Variants in TENM2 observed in about 807,000 individuals in gnomAD.
TENM2 encodes the protein teneurin-2.
In TENM2, 52 loss-of-function variants were observed where a neutral mutation model predicts 245.2. That is an observed-to-expected ratio of 0.21 (90% CI 0.17 to 0.27). TENM2 has a LOEUF of 0.27. Ranked by LOEUF, TENM2 falls within the 10% of genes least tolerant of loss-of-function variation. The probability of loss-of-function intolerance (pLI) is 1.00; values close to 1 mark genes in which losing one functional copy is unlikely to be tolerated. For synonymous variants in TENM2, 1,363 were observed against 1,438.9 expected (o/e 0.95, Z 1.19); for missense variants, 3,046 against 3,666.8 (o/e 0.83, Z 4.37).
chr5:167,989,972 C>G (rs1783544279), intron 4 of TENM2, among the ~76,000 whole-genome samples: 1 of 152,130 alleles, frequency 6.6e-6, no homozygotes, highest in African/African-American at 2.4e-5. Flanking sequence ...AGACTCCAGA[C>G]CCATCAGTGG....
chr5:168,199,100 G>A lies in TENM2; in HGVS notation c.3148G>A (p.Val1050Met), dbSNP rs140215976. The stretch of plus-strand genomic sequence containing the variant: ...TGCTGCCCCTGGGCAGAATCCCATC[G>A]TGCCTGAGACCCAGGTAGGAATGGC... The change falls in exon 16 of 29, where the codon GTG (valine) becomes ATG (methionine). Residue 1050 changes from valine (V) to methionine (M), a missense_variant. Around this residue, in one of 2 missense-constraint regions of TENM2, gnomAD observed 2,704 missense variants for 3,331.9 expected, o/e 0.81. Coordinates refer to ENST00000518659, the Ensembl canonical transcript of TENM2. The A allele has an allele frequency of 1.0e-3, 1,651 of 1,611,910 alleles. 10 individuals carry two copies. The African/African-American group carries it at 0.016, about 16-fold the overall frequency.
At chr5:168,060,578 C>G (rs1400903591) in intron 6 of TENM2, among the ~76,000 whole-genome samples, 3 of 152,188 alleles carry the variant, frequency 2.0e-5, no homozygotes, top group African/African-American at 7.2e-5. Flanking sequence ...TCATTCCCTA[C>G]TTTTATTATC....
the TENM2 span, among the ~76,000 whole-genome samples, chr5:167,019,114 T>C: frequency 6.6e-6 from 1 of 150,384 alleles, no homozygotes; most frequent in South Asian, 2.2e-4. Context: ...CTTGCCTAAA[T>C]TCCACAAATT....
chr5:168,146,654 T>C (rs2152415174), intron 12 of TENM2, among the ~76,000 whole-genome samples: 1 of 152,352 alleles, frequency 6.6e-6, no homozygotes, highest in Admixed American at 6.5e-5. Context: ...CCGGTCCCAT[T>C]GCTAAGTTCT....
At chr5:167,025,525 C>T in the TENM2 span, among the ~76,000 whole-genome samples, 3 of 152,080 alleles carry the variant, frequency 2.0e-5, no homozygotes, top group African/African-American at 7.2e-5. Flanking sequence ...TCATATTAGC[C>T]ACATTTCAGG....
the TENM2 span, among the ~76,000 whole-genome samples, chr5:167,074,691 G>A: frequency 6.6e-6 from 1 of 152,246 alleles, no homozygotes; most frequent in Non-Finnish European, 1.5e-5. Context: ...ACCACGGCTA[G>A]TTTTCCACAT....
intron 12 of TENM2, among the ~76,000 whole-genome samples, chr5:168,141,241 G>C (rs1755521094): frequency 6.6e-6 from 1 of 152,140 alleles, no homozygotes; most frequent in Non-Finnish European, 1.5e-5. Flanking sequence ...AGATTGCCTT[G>C]CTCTTCCTTC....
chr5:167,840,813 T>C (rs1242123252), intron 2 of TENM2, among the ~76,000 whole-genome samples: 6 of 152,014 alleles, frequency 3.9e-5, no homozygotes, highest in Non-Finnish European at 1.5e-5. Context: ...AAAAAAACAA[T>C]GTGTGGTCTA....
intron 2 of TENM2, among the ~76,000 whole-genome samples, chr5:167,801,106 AAAAATAT>A (rs1159940196): frequency 1.4e-3 from 91 of 64,788 alleles, no homozygotes; most frequent in African/African-American, 5.6e-3. Context: ...AAAAAAAAAA[AAAAATAT>A]ATATATATAT....
the TENM2 span, among the ~76,000 whole-genome samples, chr5:167,151,739 G>T: frequency 6.6e-6 from 1 of 152,120 alleles, no homozygotes; most frequent in African/African-American, 2.4e-5. Flanking sequence ...CGACGGTCTT[G>T]ATCTCTTGAC....
intron 1 of TENM2, among the ~76,000 whole-genome samples, chr5:167,366,117 A>G (rs1760037328): frequency 1.3e-5 from 2 of 151,704 alleles, no homozygotes; most frequent in Admixed American, 6.6e-5. Context: ...AAAAAATTTT[A>G]TTGGTGAAAC....
chr5:167,061,532 C>T, the TENM2 span, among the ~76,000 whole-genome samples: 1 of 152,110 alleles, frequency 6.6e-6, no homozygotes, highest in African/African-American at 2.4e-5. Context: ...TAAATATTTC[C>T]TGCGTGGGTT....
intron 2 of TENM2, among the ~76,000 whole-genome samples, chr5:167,797,479 A>G (rs1765401349): frequency 6.6e-6 from 1 of 152,208 alleles, no homozygotes; most frequent in African/African-American, 2.4e-5. Context: ...ACTAATTTGA[A>G]ACTGGAAGAT....
At chr5:168,253,652 C>G (rs1767368218) in intron 27 of TENM2, among the ~76,000 whole-genome samples, 1 of 151,996 alleles carries the variant, frequency 6.6e-6, no homozygotes, top group South Asian at 2.1e-4. Flanking sequence ...GTCTCGATCT[C>G]CTGACCTTGT....
chr5:167,955,342 A>T (rs1780465788), intron 4 of TENM2, among the ~76,000 whole-genome samples: 1 of 151,824 alleles, frequency 6.6e-6, no homozygotes, highest in African/African-American at 2.4e-5. Context: ...AATTTGTTTA[A>T]GTTCCTTGTG....
intron 2 of TENM2, among the ~76,000 whole-genome samples, chr5:167,842,318 G>A (rs1769603293): frequency 1.3e-5 from 2 of 152,172 alleles, no homozygotes; most frequent in South Asian, 4.1e-4. Context: ...GCCAGGTGCA[G>A]TGGCTCATGC....
At chr5:167,749,855 A>C (rs1761842038) in intron 2 of TENM2, among the ~76,000 whole-genome samples, 1 of 152,126 alleles carries the variant, frequency 6.6e-6, no homozygotes, top group Non-Finnish European at 1.5e-5. Context: ...AACCATGTAT[A>C]GTTTATCAAT....
chr5:167,177,674 G>A, the TENM2 span, among the ~76,000 whole-genome samples: 6 of 152,152 alleles, frequency 3.9e-5, no homozygotes, highest in Admixed American at 3.9e-4. Context: ...GAGGACCAGA[G>A]GGAGGTGGCT....
rs1463642236 is a variant in TENM2, at chr5:168,244,174, T to C, written c.5521-246T>C. Among the ~76,000 whole-genome samples the C allele has an allele frequency of 3.3e-5, 5 of 152,114 alleles. No homozygotes were observed. The highest frequency in any genetic ancestry group is 9.7e-5 in the African/African-American group (4 of 41,418). On this transcript the variant is annotated intron_variant, in intron 25 of 28. Transcript: ENST00000518659. This position sits in a 1 kb window ranked among gnomAD's most constrained non-coding sequence, Gnocchi z 4.9. ...CTGGTCTTGAACTCCCGACCTCAGG[T>C]GATCCACCCACTTCAGCCTCCCACA... is the stretch of plus-strand genomic sequence containing the variant.
Sources: gnomAD v4.1 joint callset for allele counts (sites outside exome capture counted in the v4.1 genomes callset) on GRCh38, gnomAD v4.1.1 for gene constraint, gnomAD v4.1.1 regional missense constraint, Gnocchi (gnomAD v3.1) non-coding constraint, MANE v1.5 for transcripts, NCBI Gene and HGNC (gene_info 2026-07-23, HGNC 2026-07-21) for gene names.